GALNT16: variants seen among roughly 807,000 people sequenced by gnomAD.
The protein encoded by GALNT16 is polypeptide N-acetylgalactosaminyltransferase 16.
In GALNT16, 40 loss-of-function variants were observed where a neutral mutation model predicts 76.1. The observed-to-expected ratio is 0.53, with a 90% CI of 0.41 to 0.68. The LOEUF (loss-of-function observed/expected upper bound fraction) is 0.68. Ranked by LOEUF, GALNT16 falls within the 30% of genes least tolerant of loss-of-function variation. The pLI is 0.00. For missense variants in GALNT16, 621 were observed against 731.9 expected (o/e 0.85, Z 1.75); for synonymous variants, 276 against 285.2 (o/e 0.97, Z 0.32).
intron 2 of GALNT16, among the ~76,000 whole-genome samples, chr14:69,324,117 C>T (rs1644926233): frequency 6.6e-6 from 1 of 151,910 alleles, no homozygotes; most frequent in Non-Finnish European, 1.5e-5. Context: ...TTGTTTCCTC[C>T]AGGGGACCCA....
At chr14:69,322,965 TGTGTGTGTGTGTGTGTGCGCGCGCAC>T (rs1210712140) in intron 2 of GALNT16, among the ~76,000 whole-genome samples, 1 of 69,346 alleles carries the variant, frequency 1.4e-5, no homozygotes, top group African/African-American at 1.2e-4. Context: ...TGTGTGTGTG[TGTGTGTGTGTGTGTGTGCGCGCGCAC>T]GCGCGCACGC....
the GALNT16 span, among the ~76,000 whole-genome samples, chr14:69,364,539 G>C: frequency 6.6e-6 from 1 of 152,128 alleles, no homozygotes; most frequent in Admixed American, 6.5e-5. This position sits in a 1 kb window ranked among gnomAD's most constrained non-coding sequence, Gnocchi z 4.2. Flanking sequence ...TGGCAGCAAA[G>C]AGAAACTGAT....
intron 1 of GALNT16, among the ~76,000 whole-genome samples, chr14:69,269,729 C>T (rs1466350878): frequency 1.4e-5 from 2 of 139,480 alleles, no homozygotes; most frequent in South Asian, 2.3e-4. Flanking sequence ...GTGTGGGGTT[C>T]GTGTATGTCT....
rs899129855 is a variant in GALNT16 at position 69,347,836 on chromosome 14, C to T, written c.1414-41C>T. Reference sequence around the variant, plus strand: ...TATCTACCCATCTCTCCACCCATCGCTGTACTTTTTGACTTGGCCTTTCTG... The same window carrying T: ...TATCTACCCATCTCTCCACCCATCGTTGTACTTTTTGACTTGGCCTTTCTG... On this transcript the variant is annotated intron_variant, in intron 13 of 14. Transcript: ENST00000448469. The T allele has an allele frequency of 3.1e-6, 5 of 1,607,258 alleles. No homozygotes were observed. The African/African-American group carries it at 6.7e-5, about 21-fold the overall frequency.
intron 1 of GALNT16, among the ~76,000 whole-genome samples, chr14:69,310,346 C>T (rs2044999423): frequency 1.3e-5 from 2 of 151,918 alleles, no homozygotes; most frequent in Admixed American, 1.3e-4. Flanking sequence ...CCAGCTGAAT[C>T]TCCCTTCCCC....
intron 1 of GALNT16, among the ~76,000 whole-genome samples, chr14:69,316,777 G>GGT (rs2045107370): frequency 1.0e-5 from 1 of 97,134 alleles, no homozygotes; most frequent in African/African-American, 4.6e-5. Flanking sequence ...TAGTCTGTGA[G>GGT]GGGGGGGGGC....
chr14:69,316,365 G>T (rs2045100722), intron 1 of GALNT16, among the ~76,000 whole-genome samples: 1 of 152,222 alleles, frequency 6.6e-6, no homozygotes, highest in Admixed American at 6.5e-5. Flanking sequence ...TTGGGATTCA[G>T]CATGAGACAA....
intron 6 of GALNT16, 129 bp downstream of exon 6, chr14:69,328,700 CCT>C: frequency 1.2e-6 from 1 of 837,434 alleles, no homozygotes; most frequent in Non-Finnish European, 1.8e-6. Context: ...TCTACTTCCC[CCT>C]GAGTGACTTC....
downstream of GALNT16, among the ~76,000 whole-genome samples, chr14:69,360,341 G>A (rs193280375): frequency 5.3e-5 from 8 of 149,544 alleles, no homozygotes; most frequent in Non-Finnish European, 7.4e-5. Context: ...GCAACAGAGC[G>A]AGACCCTATC....
At chr14:69,372,119 T>A in the GALNT16 span, among the ~76,000 whole-genome samples, 1 of 152,080 alleles carries the variant, frequency 6.6e-6, no homozygotes, top group African/African-American at 2.4e-5. Context: ...GAGTAGGGCA[T>A]CCCTGTGCAG....
chr14:69,317,807 C>T (rs931646290), intron 1 of GALNT16, among the ~76,000 whole-genome samples: 4 of 152,118 alleles, frequency 2.6e-5, no homozygotes, highest in Non-Finnish European at 4.4e-5. Flanking sequence ...ATTCAAAGAC[C>T]TGAAGTCTCA....
downstream of GALNT16, chr14:69,357,570 A>G (rs2140213149): frequency 6.6e-6 from 1 of 152,314 alleles, no homozygotes; most frequent in Admixed American, 6.5e-5. Context: ...AGGTGGGTCT[A>G]GTTGGTACGG....
rs60818532 is a variant in GALNT16 at position 69,264,819 on chromosome 14, C to CTTTTTTTTTTTT, written c.177+4363_177+4364insTTTTTTTTTTTT. 9.3e-5 allele frequency among the ~76,000 whole-genome samples: 9 copies of CTTTTTTTTTTTT among 96,576 alleles called. 1 individual carries two copies. Among genetic ancestry groups the CTTTTTTTTTTTT allele is most frequent in the East Asian group, 4.3e-4 (1 of 2,320 alleles). The allele number at this position is 96,576 out of a possible 152,430, so 63.4% of individuals were successfully genotyped here. ...TTTATTTTCTCTTTTCTTTTTCTTT[C>CTTTTTTTTTTTT]TTTTTTTTTTTGGACACAGGGTCTC... On this transcript the variant is annotated intron_variant, in intron 1 of 14. Transcript: ENST00000448469.
chr14:69,320,702 T>TC lies in GALNT16; in HGVS notation c.178-8dup, dbSNP rs756060802. The TC allele has an allele frequency of 6.2e-7, 1 of 1,612,810 alleles. No homozygotes were observed. The highest frequency in any genetic ancestry group is 1.1e-5 in the South Asian group (1 of 90,862). On this transcript the variant is annotated splice_polypyrimidine_tract_variant and intron_variant, in intron 1 of 14. Transcript: ENST00000448469. ...CTGTGGTCCTCTCTGATGCTGACCT[T>TC]CATCTCAGGTGACAGGAACTCCCTC... is the stretch of plus-strand genomic sequence containing the variant.
chr14:69,300,498 C>T (rs911938200), intron 1 of GALNT16, among the ~76,000 whole-genome samples: 1 of 152,186 alleles, frequency 6.6e-6, no homozygotes, highest in East Asian at 1.9e-4. Flanking sequence ...TCTCAGAAAA[C>T]CACGCTTGCT....
At chr14:69,368,037 A>AAAGTGATAT in the GALNT16 span, among the ~76,000 whole-genome samples, 1 of 152,164 alleles carries the variant, frequency 6.6e-6, no homozygotes, top group Non-Finnish European at 1.5e-5. Flanking sequence ...GAATGGCAAG[A>AAAGTGATAT]AAGTGATATA....
Position 69,333,949 on chromosome 14 carries a change from G to GGCTGGGA in GALNT16, c.967+351_967+357dup, listed in dbSNP as rs144003189. Among the ~76,000 whole-genome samples, 10,095 of 152,268 alleles carry GGCTGGGA rather than the reference G, an allele frequency of 0.066. 420 individuals carry two copies. Among genetic ancestry groups the GGCTGGGA allele is most frequent in the East Asian group, 0.19 (1,000 of 5,170 alleles). On this transcript the variant is annotated intron_variant, in intron 9 of 14. Transcript: ENST00000448469. The surrounding 1 kb of genome is among the most constrained non-coding windows in gnomAD (Gnocchi z 4.2). ...CACGTGGCTGCTTCCCTACCAGCAA[G>GGCTGGGA]GCTGGGAGGTGTGTGGTAGAGGGTG...
chr14:69,379,942 TAA>T, the GALNT16 span, among the ~76,000 whole-genome samples: 477 of 150,662 alleles, frequency 3.2e-3, 4 homozygotes, highest in African/African-American at 0.011. Flanking sequence ...AAGATTCATT[TAA>T]TTATGCTGGA....
At chr14:69,349,514 C>G (rs1297038506) in intron 14 of GALNT16, 1 of 152,220 alleles carries the variant, frequency 6.6e-6, no homozygotes, top group Non-Finnish European at 1.5e-5. Context: ...ATCCCACTGC[C>G]AATGCCTTCT....
Sources: gnomAD v4.1 joint callset for allele counts (sites outside exome capture counted in the v4.1 genomes callset) on GRCh38, gnomAD v4.1.1 for gene constraint, Gnocchi (gnomAD v3.1) non-coding constraint, MANE v1.5 for transcripts, NCBI Gene and HGNC (gene_info 2026-07-23, HGNC 2026-07-21) for gene names.